The following TMED3 variants were observed in gnomAD, a reference collection of about 807,000 sequenced individuals.
TMED3 encodes the protein transmembrane emp24 domain-containing protein 3.
In TMED3, 9 loss-of-function variants were observed where a neutral mutation model predicts 15.0. The ratio of observed to expected loss-of-function variants is 0.60; its 90% CI spans 0.36 to 1.04. The LOEUF is 1.04. TMED3 is among the 50% of genes least tolerant of loss of function. The pLI is 0.01. For synonymous variants in TMED3, 117 were observed against 121.4 expected (o/e 0.96, Z 0.24); for missense variants, 267 against 278.9 (o/e 0.96, Z 0.30).
rs116814148 is a variant in TMED3 at position 79,318,641 on chromosome 15, T to C, written c.418-3337T>C. On this transcript the variant is annotated intron_variant, in intron 2 of 2. Transcript: ENST00000299705. ...AGAAATGGCATATCTTGAGTTAGCT[T>C]TGACACAGGTTCACATAGGTTAAGC... is the stretch of plus-strand genomic sequence containing the variant. Among the ~76,000 whole-genome samples, 1,262 of 152,348 alleles carry C rather than the reference T, an allele frequency of 8.3e-3. 22 individuals carry two copies. Among genetic ancestry groups the C allele is most frequent in the African/African-American group, 0.029 (1,189 of 41,578 alleles).
chr15:79,336,758 A>G (rs16970867), intron 2 of TMED3, among the ~76,000 whole-genome samples: 20,426 of 152,144 alleles, frequency 0.13, 1,610 homozygotes, highest in East Asian at 0.4. Context: ...ACCCTAGCTA[A>G]TATTTTTACT....
chr15:79,366,502 T>C (rs1893238177), intron 2 of TMED3, among the ~76,000 whole-genome samples: 2 of 152,374 alleles, frequency 1.3e-5, no homozygotes, highest in African/African-American at 4.8e-5. Context: ...GCTGTTGTTA[T>C]AAGCTATTAC....
exon 3 of TMED3, chr15:79,413,674 T>C (rs1300148984): frequency 6.6e-6 from 1 of 152,210 alleles, no homozygotes; most frequent in Non-Finnish European, 1.5e-5. Context: ...AAACTTTACA[T>C]AGCTCTTGTT....
At chr15:79,348,771 C>T (rs1466729064) in intron 2 of TMED3, among the ~76,000 whole-genome samples, 1 of 152,150 alleles carries the variant, frequency 6.6e-6, no homozygotes, top group African/African-American at 2.4e-5. Context: ...AATTTACATT[C>T]CCAACAACAG....
At chr15:79,381,849 C>T (rs1188222541) in intron 2 of TMED3, among the ~76,000 whole-genome samples, 1 of 152,220 alleles carries the variant, frequency 6.6e-6, no homozygotes, top group Non-Finnish European at 1.5e-5. Context: ...AAAGCACCTT[C>T]CTTCTTCCTT....
At chr15:79,353,157 A>C (rs1451749628) in intron 2 of TMED3, among the ~76,000 whole-genome samples, 2 of 82,560 alleles carry the variant, frequency 2.4e-5, no homozygotes, top group African/African-American at 1.1e-4. Flanking sequence ...TATAAAATAT[A>C]TATAAATATA....
intron 2 of TMED3, among the ~76,000 whole-genome samples, chr15:79,343,260 T>A (rs1355699062): frequency 1.3e-5 from 2 of 152,140 alleles, no homozygotes; most frequent in Non-Finnish European, 2.9e-5. Flanking sequence ...AGAGATCTCT[T>A]CCATGCCAGT....
chr15:79,412,013 G>A (rs1893988077), exon 3 of TMED3: 2 of 151,694 alleles, frequency 1.3e-5, no homozygotes, highest in African/African-American at 4.9e-5. Flanking sequence ...CCTGCTTGCA[G>A]TGCAGCCTTG....
chr15:79,405,159 G>T (rs758364647), intron 2 of TMED3, among the ~76,000 whole-genome samples: 6 of 152,184 alleles, frequency 3.9e-5, no homozygotes, highest in Non-Finnish European at 7.3e-5. Context: ...CTGTGGTCAG[G>T]AACTCAGGCA....
downstream of TMED3, among the ~76,000 whole-genome samples, chr15:79,324,059 C>T (rs548813994): frequency 2.3e-4 from 35 of 152,236 alleles, no homozygotes; most frequent in African/African-American, 6.3e-4. Flanking sequence ...GGTGCAGTCT[C>T]GGCTCACAGC....
At chr15:79,317,718 A>G (rs936792270) in intron 2 of TMED3, among the ~76,000 whole-genome samples, 3 of 152,138 alleles carry the variant, frequency 2.0e-5, no homozygotes, top group Non-Finnish European at 4.4e-5. Context: ...TTCAAGAATG[A>G]TCCACTTTGT....
At chr15:79,411,529 A>T in exon 3 of TMED3, 1 of 701,228 alleles carries the variant, frequency 1.4e-6, no homozygotes, top group Non-Finnish European at 2.6e-6. Context: ...GGAGGCACTG[A>T]GAGTGGATGG....
At position 79,353,138 on chromosome 15, in the gene TMED3, TA is replaced by T. The variant is rs1362810337; in HGVS notation, c.417+39139del. ...ATATATATAATATATATAAAATATA[TA>T]AAAAATATATAAAATATATATAAAT... On this transcript the variant is annotated intron_variant, in intron 2 of 2. Coordinates refer to the TMED3 transcript ENST00000424155. 8.7e-3 allele frequency among the ~76,000 whole-genome samples: 637 copies of T among 73,350 alleles called. 8 individuals carry two copies. Among genetic ancestry groups the T allele is most frequent in the African/African-American group, 0.039 (578 of 14,982 alleles). The allele number at this position is 73,350 out of a possible 152,430, so 48.1% of individuals were successfully genotyped here. A position where few individuals can be genotyped will look rare whatever the true frequency, so the allele number is the denominator to read the frequency against.
intron 2 of TMED3, among the ~76,000 whole-genome samples, chr15:79,411,049 A>G (rs895405653): frequency 2.0e-5 from 3 of 152,238 alleles, no homozygotes; most frequent in Admixed American, 6.5e-5. Context: ...AGAAATTTTC[A>G]GAATTCCAGA....
intron 2 of TMED3, among the ~76,000 whole-genome samples, chr15:79,363,574 A>C (rs1893172439): frequency 6.6e-6 from 1 of 152,082 alleles, no homozygotes; most frequent in Non-Finnish European, 1.5e-5. Context: ...TTCACAAAGG[A>C]AACACAAATG....
chr15:79,348,131 A>G (rs970623602), intron 2 of TMED3, among the ~76,000 whole-genome samples: 1 of 152,164 alleles, frequency 6.6e-6, no homozygotes, highest in Non-Finnish European at 1.5e-5. Flanking sequence ...AATAAGTTAC[A>G]TGCATTAAAT....
intron 1 of TMED3, among the ~76,000 whole-genome samples, chr15:79,312,882 T>C (rs1596047063): frequency 6.6e-6 from 1 of 152,124 alleles, no homozygotes; most frequent in African/African-American, 2.4e-5. Context: ...CTGTCTGTTA[T>C]TGGAACGGAG....
intron 2 of TMED3, among the ~76,000 whole-genome samples, chr15:79,409,110 G>A (rs1224941749): frequency 6.6e-5 from 10 of 152,190 alleles, no homozygotes; most frequent in African/African-American, 2.4e-4. Context: ...TACTAAGAGG[G>A]CAACAAGAAG....
intron 2 of TMED3, among the ~76,000 whole-genome samples, chr15:79,363,278 A>G (rs190028103): frequency 2.0e-4 from 31 of 152,338 alleles, no homozygotes; most frequent in Admixed American, 2.0e-3. Context: ...TATTTCAGAA[A>G]GAACTTTCTA....
Sources: gnomAD v4.1 joint callset for allele counts (sites outside exome capture counted in the v4.1 genomes callset) on GRCh38, gnomAD v4.1.1 for gene constraint, MANE v1.5 for transcripts, NCBI Gene and HGNC (gene_info 2026-07-23, HGNC 2026-07-21) for gene names.